The following DUSP11 variants were observed in gnomAD, a reference collection of about 807,000 sequenced individuals.
DUSP11 encodes dual specificity phosphatase 11.
Under a neutral mutation model 41.4 loss-of-function variants are expected in DUSP11, and 27 were observed. The observed-to-expected ratio is 0.65, with a 90% CI of 0.48 to 0.90. The LOEUF (loss-of-function observed/expected upper bound fraction) is 0.90, where lower values mean the gene tolerates loss of function less well. DUSP11 is among the 40% of genes least tolerant of loss of function. DUSP11 has a pLI of 0.00. For synonymous variants in DUSP11, 188 were observed against 159.3 expected, an observed-to-expected ratio of 1.18 and a Z score of -1.35; for missense variants, 465 against 461.1, an observed-to-expected ratio of 1.01 and a Z score of -0.08.
intron 8 of DUSP11, among the ~76,000 whole-genome samples, chr2:73,764,488 G>A (rs1672420243): frequency 1.3e-5 from 2 of 152,032 alleles, no homozygotes; most frequent in African/African-American, 4.8e-5. Context: ...TTAAATTCAT[G>A]TTAACTGTCA....
At chr2:73,762,752 T>G in exon 9 of DUSP11, 1 of 1,613,888 alleles carries the variant, frequency 6.2e-7, no homozygotes, top group African/African-American at 1.3e-5. Context: ...CCGACTGGCA[T>G]TGGGCTTCAC....
Position 73,775,651 on chromosome 2 carries a change from C to G in DUSP11, c.319-607G>C, listed in dbSNP as rs577298450. Among the ~76,000 whole-genome samples, 9 of 149,968 alleles carry G rather than the reference C, an allele frequency of 6.0e-5. No individual in the cohort carries two copies. In the South Asian group the frequency reaches 6.3e-4, roughly 11 times the overall value. Reference sequence around the variant, plus strand: ...CGGGAGGATCACAAGGTCAGGAGATCGAGACCATCCTGGCTAACACTGTGA... The same window carrying G: ...CGGGAGGATCACAAGGTCAGGAGATGGAGACCATCCTGGCTAACACTGTGA... On this transcript the variant is annotated intron_variant, in intron 2 of 8. Transcript: ENST00000272444.
chr2:73,772,937 T>A (rs1672614835), intron 4 of DUSP11, among the ~76,000 whole-genome samples: 1 of 152,236 alleles, frequency 6.6e-6, no homozygotes, highest in African/African-American at 2.4e-5. Context: ...CAGATTTATG[T>A]AACAAAGTGT....
intron 5 of DUSP11, 41 bp from the exon 6 acceptor site, chr2:73,767,248 G>T: frequency 6.5e-7 from 1 of 1,528,168 alleles, no homozygotes; most frequent in South Asian, 1.2e-5. Context: ...TATACGAAAA[G>T]AAAAAAATCA....
chr2:73,767,444 G>A, intron 5 of DUSP11: 1 of 357,468 alleles, frequency 2.8e-6, no homozygotes, highest in Non-Finnish European at 4.9e-6. Context: ...TTACATTAAT[G>A]TAATTTAATA....
chr2:73,777,378 C>T (rs185096937), intron 2 of DUSP11, among the ~76,000 whole-genome samples: 6 of 152,306 alleles, frequency 3.9e-5, no homozygotes, highest in East Asian at 1.9e-4. Flanking sequence ...ATTCCCAAAA[C>T]GTTTCAAGTA....
At chr2:73,764,793 C>T (rs1672426019) in intron 8 of DUSP11, among the ~76,000 whole-genome samples, 1 of 152,072 alleles carries the variant, frequency 6.6e-6, no homozygotes, top group African/African-American at 2.4e-5. Context: ...ATGGTGAAAC[C>T]CCCATCTCTA....
chr2:73,768,285 G>T, intron 5 of DUSP11: 1 of 201,254 alleles, frequency 5.0e-6, no homozygotes, highest in Non-Finnish European at 8.8e-6. Flanking sequence ...CTCAGCACTT[G>T]TTGGAATTGT....
chr2:73,766,905 TGAG>T lies in DUSP11; in HGVS notation c.683-5_683-3del. Reference sequence around the variant, plus strand: ...AATGTCCCCGGCACCTATTGAATACTGAGGAGAGGATAAACTGTTAGAAATAAC... The same window carrying T: ...AATGTCCCCGGCACCTATTGAATACTGAGAGGATAAACTGTTAGAAATAAC... On this transcript the variant is annotated splice_polypyrimidine_tract_variant and splice_region_variant and intron_variant, in intron 6 of 8. Transcript: ENST00000272444. 1 of 1,610,686 alleles carries T rather than the reference TGAG, an allele frequency of 6.2e-7. No individual in the cohort carries two copies. The highest frequency in any genetic ancestry group is 8.5e-7 in the Non-Finnish European group (1 of 1,177,368).
chr2:73,762,959 A>C (rs1672391568), intron 8 of DUSP11, 100 bp from the exon 9 acceptor site: 1 of 485,492 alleles, frequency 2.1e-6, no homozygotes, highest in Non-Finnish European at 3.0e-6. Context: ...TAAATTTATA[A>C]ATTTACAAAA....
intron 3 of DUSP11, 136 bp downstream of exon 3, chr2:73,774,777 A>T: frequency 1.7e-6 from 1 of 592,200 alleles, no homozygotes; most frequent in Non-Finnish European, 2.8e-6. Flanking sequence ...TAGAGAAATC[A>T]CTTGGTTCTC....
intron 8 of DUSP11, among the ~76,000 whole-genome samples, chr2:73,764,679 T>A (rs1051643489): frequency 7.2e-5 from 11 of 152,322 alleles, no homozygotes; most frequent in South Asian, 4.1e-4. Flanking sequence ...AAACTGTTGC[T>A]AAACTGGCTG....
intron 8 of DUSP11, among the ~76,000 whole-genome samples, chr2:73,765,660 T>C (rs1672447730): frequency 6.6e-6 from 1 of 152,226 alleles, no homozygotes; most frequent in Non-Finnish European, 1.5e-5. Context: ...ACTTTAACCA[T>C]ACTGAGGTCT....
chr2:73,772,544 T>C (rs1672604347), intron 4 of DUSP11, among the ~76,000 whole-genome samples: 1 of 152,202 alleles, frequency 6.6e-6, no homozygotes. Flanking sequence ...CATGTATTCA[T>C]AAGGACCTCC....
chr2:73,779,913 G>A lies in DUSP11; in HGVS notation c.203C>T (p.Ser68Phe), dbSNP rs774185214. 1.1e-5 allele frequency: 18 copies of A among 1,614,102 alleles called. No individual in the cohort carries two copies. In the Middle Eastern group the frequency reaches 4.9e-4, roughly 44 times the overall value. The change falls in exon 1 of 9, where the codon TCC becomes TTC. Residue 68 changes from serine to phenylalanine, a missense_variant. By Grantham distance (155) the Ser-to-Phe change is radical. Transcript: ENST00000272444. ...GTTTCCGCCCTTCTTCTTGGCTGAG[G>A]AGCGTCCTGAAAAGTCGCGTCTCCG...
exon 3 of DUSP11, chr2:73,774,981 G>T (rs754705080): frequency 6.2e-7 from 1 of 1,611,750 alleles, no homozygotes; most frequent in South Asian, 1.1e-5. Flanking sequence ...TTTTGTTCTC[G>T]GATTTTGTTA....
intron 5 of DUSP11, 200 bp downstream of exon 5, chr2:73,769,065 C>T (rs1672525360): frequency 1.0e-5 from 5 of 483,702 alleles, no homozygotes; most frequent in South Asian, 7.0e-5. Flanking sequence ...CATTCAATAA[C>T]ATGTATGCTT....
chr2:73,774,347 C>A (rs1372348691), intron 3 of DUSP11, among the ~76,000 whole-genome samples: 1 of 152,102 alleles, frequency 6.6e-6, no homozygotes, highest in East Asian at 1.9e-4. Context: ...CTATTGAGAA[C>A]CGATATTCTT....
intron 1 of DUSP11, 98 bp downstream of exon 1, chr2:73,779,776 G>C (rs994512511): frequency 6.4e-7 from 1 of 1,551,816 alleles, no homozygotes; most frequent in Non-Finnish European, 8.7e-7. Flanking sequence ...AGTCAAGCTT[G>C]CGATGGCAAC....
Sources: allele counts gnomAD v4.1 joint callset (sites outside exome capture counted in the v4.1 genomes callset), GRCh38; gene constraint gnomAD v4.1.1; transcripts MANE v1.5; gene names NCBI Gene and HGNC (gene_info 2026-07-23, HGNC 2026-07-21).